ARMC1: variants seen among roughly 807,000 people sequenced by gnomAD.
ARMC1 encodes the protein armadillo repeat containing 1.
A neutral mutation model predicts 31.4 loss-of-function variants in ARMC1; 16 were observed. That is an observed-to-expected ratio of 0.51 (90% confidence interval 0.34 to 0.77). The LOEUF (loss-of-function observed/expected upper bound fraction) is 0.77. Among genes scored for constraint, ARMC1 ranks in the 30% least tolerant of loss-of-function variants. The probability of loss-of-function intolerance (pLI) is 0.01; values close to 1 mark genes in which losing one functional copy is unlikely to be tolerated. For synonymous variants in ARMC1, 114 were observed against 118.9 expected, an observed-to-expected ratio of 0.96 and a Z score of 0.27; for missense variants, 259 against 347.5, an observed-to-expected ratio of 0.75 and a Z score of 2.02.
At chr8:65,606,958 C>T (rs1808017455) in intron 4 of ARMC1, among the ~76,000 whole-genome samples, 1 of 152,226 alleles carries the variant, frequency 6.6e-6, no homozygotes, top group African/African-American at 2.4e-5. Context: ...ATCACACTCT[C>T]TACATTTTCT....
chr8:65,628,124 T>C (rs770787102), intron 1 of ARMC1, among the ~76,000 whole-genome samples: 4 of 152,214 alleles, frequency 2.6e-5, no homozygotes, highest in Admixed American at 6.5e-5. Context: ...GAGCTAGTCA[T>C]AGAGAGGTTC....
chr8:65,627,818 G>A (rs143315322), intron 1 of ARMC1, among the ~76,000 whole-genome samples: 210 of 152,282 alleles, frequency 1.4e-3, no homozygotes, highest in Admixed American at 2.9e-3. Context: ...ACAAGTGCCC[G>A]AGGGAAAAGT....
At chr8:65,622,758 T>G (rs1808421270) in intron 2 of ARMC1, among the ~76,000 whole-genome samples, 1 of 150,650 alleles carries the variant, frequency 6.6e-6, no homozygotes, top group Non-Finnish European at 1.5e-5. Flanking sequence ...GCACAGTGGC[T>G]CACACCTATA....
At chr8:65,630,955 T>G (rs1808630797) in intron 1 of ARMC1, among the ~76,000 whole-genome samples, 1 of 152,212 alleles carries the variant, frequency 6.6e-6, no homozygotes, top group Non-Finnish European at 1.5e-5. Flanking sequence ...AGGTTTCAAA[T>G]CCTGAGACTA....
intron 3 of ARMC1, 29 bp downstream of exon 3, chr8:65,622,234 A>C: frequency 1.9e-6 from 3 of 1,543,186 alleles, no homozygotes; most frequent in Non-Finnish European, 2.7e-6. Context: ...AAGTATATAA[A>C]TAAATGAGAC....
chr8:65,622,806 G>A (rs1016098371), intron 2 of ARMC1, among the ~76,000 whole-genome samples: 1 of 151,732 alleles, frequency 6.6e-6, no homozygotes, highest in Non-Finnish European at 1.5e-5. Flanking sequence ...GGCAGATCAA[G>A]ACCATCCTGG....
intron 3 of ARMC1, among the ~76,000 whole-genome samples, chr8:65,616,787 C>A (rs1808273731): frequency 6.6e-6 from 1 of 151,858 alleles, no homozygotes; most frequent in African/African-American, 2.4e-5. Context: ...CAGCCGCGAC[C>A]CCGTCTGGGA....
intron 2 of ARMC1, among the ~76,000 whole-genome samples, chr8:65,626,458 A>AT (rs1554542127): frequency 2.7e-5 from 4 of 150,096 alleles, no homozygotes; most frequent in Non-Finnish European, 5.9e-5. Flanking sequence ...AAAAAAAAAA[A>AT]TTTATTTATA....
intron 4 of ARMC1, among the ~76,000 whole-genome samples, chr8:65,612,612 G>A (rs181940749): frequency 6.6e-5 from 10 of 151,958 alleles, no homozygotes; most frequent in Admixed American, 2.6e-4. Context: ...CCCTGTAATC[G>A]AGCACTTTGG....
intron 2 of ARMC1, among the ~76,000 whole-genome samples, chr8:65,624,885 C>G (rs7817112): frequency 6.6e-6 from 1 of 151,998 alleles, no homozygotes; most frequent in Admixed American, 6.6e-5. Flanking sequence ...CTTTGAGAGG[C>G]CAAGACAGGC....
At chr8:65,614,550 A>G (rs1484999721) in intron 3 of ARMC1, among the ~76,000 whole-genome samples, 1 of 152,224 alleles carries the variant, frequency 6.6e-6, no homozygotes, top group Non-Finnish European at 1.5e-5. Flanking sequence ...ACTGTAAGAA[A>G]AGAATCCTCA....
At chr8:65,616,758 T>G (rs34414506) in intron 3 of ARMC1, among the ~76,000 whole-genome samples, 1,855 of 137,466 alleles carry the variant, frequency 0.013, 22 homozygotes, top group Non-Finnish European at 0.022. Flanking sequence ...CCGTCTGGGA[T>G]GTGAGGAGCG....
At position 65,606,807 on chromosome 8, in the gene ARMC1, C is replaced by T. The variant is rs76161987; in HGVS notation, c.466-1269G>A. Among the ~76,000 whole-genome samples the T allele has an allele frequency of 0.011, 1,709 of 152,278 alleles. 71 individuals carry two copies. In the East Asian group the frequency reaches 0.12, roughly 11 times the overall value. ...TAGCCATCACTAACATTACTAACTC[C>T]AATATGACTTTCTTATTTGTCTGTC... On this transcript the variant is annotated intron_variant, in intron 4 of 6. Coordinates refer to ENST00000276569, the MANE Select transcript of ARMC1 (RefSeq NM_018120.6).
At chr8:65,605,225 G>T (rs774647316) in intron 6 of ARMC1, 38 bp downstream of exon 6, 1 of 1,533,526 alleles carries the variant, frequency 6.5e-7, no homozygotes, top group East Asian at 2.2e-5. Flanking sequence ...ATAATTGAGA[G>T]TGAGTTGGAT....
chr8:65,633,004 A>G (rs1048963155), intron 1 of ARMC1: 2 of 152,230 alleles, frequency 1.3e-5, no homozygotes, highest in Non-Finnish European at 2.9e-5. Context: ...GTTCCTGTTA[A>G]AAAGCAAATG....
At chr8:65,610,563 C>T (rs539360942) in intron 4 of ARMC1, among the ~76,000 whole-genome samples, 47 of 151,852 alleles carry the variant, frequency 3.1e-4, no homozygotes, top group Non-Finnish European at 6.3e-4. Flanking sequence ...GGTGTGGTGG[C>T]GGGCACCTGT....
chr8:65,634,040 G>C lies in ARMC1; in HGVS notation c.-78C>G, dbSNP rs1284330566. 6.6e-6 allele frequency: 1 copy of C among 152,386 alleles called. No individual in the cohort carries two copies. The highest frequency in any genetic ancestry group is 1.5e-5 in the Non-Finnish European group (1 of 68,168). The allele number at this position is 152,386 out of a possible 1,614,324, so 9.4% of individuals were successfully genotyped here. On this transcript the variant is annotated 5_prime_UTR_variant, in exon 1 of 7. Coordinates refer to ENST00000276569, the MANE Select transcript of ARMC1 (RefSeq NM_018120.6). ...AGTCCAGAGCCTGCCACACCATCAG[G>C]GCCACACCTACGGATGAGGTAGAGA...
At chr8:65,622,022 C>A (rs1808404274) in intron 3 of ARMC1, among the ~76,000 whole-genome samples, 1 of 152,124 alleles carries the variant, frequency 6.6e-6, no homozygotes, top group African/African-American at 2.4e-5. Context: ...ACTGCAACCT[C>A]CACCTCCGGG....
chr8:65,616,347 C>T (rs1295862841), intron 3 of ARMC1, among the ~76,000 whole-genome samples: 4 of 152,228 alleles, frequency 2.6e-5, no homozygotes, highest in Non-Finnish European at 5.9e-5. Flanking sequence ...GTTGGCCGGG[C>T]TGGTCTCCAG....
Sources: gnomAD v4.1 joint callset for allele counts (sites outside exome capture counted in the v4.1 genomes callset) on GRCh38, gnomAD v4.1.1 for gene constraint, MANE v1.5 for transcripts, NCBI Gene and HGNC (gene_info 2026-07-23, HGNC 2026-07-21) for gene names.